CNTN5: variants seen among roughly 807,000 people sequenced by gnomAD.
CNTN5 encodes the protein contactin-5.
A neutral mutation model predicts 129.1 loss-of-function variants in CNTN5; 77 were observed. The ratio of observed to expected loss-of-function variants is 0.60; its 90% CI spans 0.50 to 0.72. CNTN5 has a LOEUF of 0.72. Ranked by LOEUF, CNTN5 falls within the 30% of genes least tolerant of loss-of-function variation. CNTN5 has a pLI of 0.00. For synonymous variants in CNTN5, 509 were observed against 465.6 expected, an observed-to-expected ratio of 1.09 and a Z score of -1.20; for missense variants, 1,478 against 1,328.8, an observed-to-expected ratio of 1.11 and a Z score of -1.75.
At chr11:100,109,529 C>G (rs1490454769) in intron 13 of CNTN5, among the ~76,000 whole-genome samples, 1 of 152,148 alleles carries the variant, frequency 6.6e-6, no homozygotes, top group African/African-American at 2.4e-5. Context: ...CTATCTCTTC[C>G]ACTTATTTTT....
intron 3 of CNTN5, among the ~76,000 whole-genome samples, chr11:99,611,823 T>A (rs1425510734): frequency 6.6e-6 from 1 of 152,184 alleles, no homozygotes; most frequent in East Asian, 1.9e-4. Context: ...TTGGATAGAC[T>A]GGCAGTTTTA....
chr11:99,615,789 T>C (rs1045635542), intron 3 of CNTN5, among the ~76,000 whole-genome samples: 3 of 151,330 alleles, frequency 2.0e-5, no homozygotes, highest in Non-Finnish European at 4.4e-5. Context: ...TGGAGCAGAG[T>C]CTCATTCTAT....
intron 8 of CNTN5, among the ~76,000 whole-genome samples, chr11:99,992,200 C>T (rs1939147428): frequency 6.6e-6 from 1 of 152,168 alleles, no homozygotes; most frequent in Non-Finnish European, 1.5e-5. Context: ...GAGTTCTTAA[C>T]TCCAGCAATG....
intron 9 of CNTN5, among the ~76,000 whole-genome samples, chr11:100,036,914 A>T (rs1005272643): frequency 6.8e-6 from 1 of 148,016 alleles, no homozygotes; most frequent in Non-Finnish European, 1.5e-5. Flanking sequence ...TCGTCTGCAA[A>T]CAGGGACAAT....
At chr11:100,291,200 C>A (rs1200908385) in intron 18 of CNTN5, among the ~76,000 whole-genome samples, 1 of 150,246 alleles carries the variant, frequency 6.7e-6, no homozygotes, top group East Asian at 2.0e-4. Flanking sequence ...GTCAGTGTGG[C>A]GATTCCTCAG....
intron 1 of CNTN5, among the ~76,000 whole-genome samples, chr11:99,233,348 C>G (rs1389761531): frequency 2.0e-5 from 3 of 152,108 alleles, no homozygotes; most frequent in Non-Finnish European, 2.9e-5. Flanking sequence ...TTTGAAACAA[C>G]AACAACAACT....
chr11:99,815,053 C>G (rs1354644753), intron 3 of CNTN5, among the ~76,000 whole-genome samples: 1 of 152,100 alleles, frequency 6.6e-6, no homozygotes, highest in African/African-American at 2.4e-5. Flanking sequence ...GCCCCCCTGA[C>G]TCATTTACCT....
intron 2 of CNTN5, among the ~76,000 whole-genome samples, chr11:99,542,314 G>A (rs574459897): frequency 7.9e-5 from 12 of 151,916 alleles, no homozygotes; most frequent in Non-Finnish European, 1.8e-4. Flanking sequence ...CTCTTCCCAT[G>A]CCTCCTCCCT....
chr11:99,949,346 G>A (rs1950621824), intron 7 of CNTN5, among the ~76,000 whole-genome samples: 1 of 152,148 alleles, frequency 6.6e-6, no homozygotes, highest in Admixed American at 6.6e-5. Context: ...CAGCCTTTCA[G>A]TAGTTCTCCA....
intron 1 of CNTN5, among the ~76,000 whole-genome samples, chr11:99,034,670 A>C (rs1466745818): frequency 6.6e-6 from 1 of 150,680 alleles, no homozygotes; most frequent in Non-Finnish European, 1.5e-5. Context: ...TTTTTTCTTT[A>C]TTAGTCTTGC....
At chr11:99,963,400 A>G (rs188139946) in intron 8 of CNTN5, among the ~76,000 whole-genome samples, 4,546 of 152,226 alleles carry the variant, frequency 0.03, 219 homozygotes, top group East Asian at 0.22. Flanking sequence ...TCCCAGCACC[A>G]TTTATTAAAT....
chr11:99,256,805 G>A (rs912987078), intron 1 of CNTN5, among the ~76,000 whole-genome samples: 6 of 151,652 alleles, frequency 4.0e-5, no homozygotes, highest in South Asian at 2.1e-4. Flanking sequence ...AAATTATTAC[G>A]CAATACCTTC....
In CNTN5 at chr11:100,356,442, A is replaced by C. The variant is rs1199355904; in HGVS notation, c.*222A>C. The C allele has an allele frequency of 3.8e-6, 2 of 531,222 alleles. No individual in the cohort carries two copies. The highest frequency in any genetic ancestry group is 6.7e-6 in the Non-Finnish European group (2 of 298,656). The allele number at this position is 531,222 out of a possible 1,614,324, so 32.9% of individuals were successfully genotyped here. A position where few individuals can be genotyped will look rare whatever the true frequency, so the allele number is the denominator to read the frequency against. On this transcript the variant is annotated 3_prime_UTR_variant, in exon 25 of 25. Coordinates refer to ENST00000524871, the MANE Select transcript of CNTN5 (RefSeq NM_014361.4). ...GAGGACAGTTCTTAGTCCAGTAAAA[A>C]TATGCAGATTGTATGTAATGAATTT... is the stretch of plus-strand genomic sequence containing the variant.
At chr11:99,084,926 A>G (rs1304028614) in intron 1 of CNTN5, among the ~76,000 whole-genome samples, 1 of 152,138 alleles carries the variant, frequency 6.6e-6, no homozygotes, top group Admixed American at 6.5e-5. Context: ...TTATCTGATT[A>G]ATATATTTTT....
chr11:99,129,063 A>G (rs999034549), intron 1 of CNTN5, among the ~76,000 whole-genome samples: 3 of 152,128 alleles, frequency 2.0e-5, no homozygotes, highest in African/African-American at 7.2e-5. Flanking sequence ...TTCTCCAAAC[A>G]CTTCTCCAGC....
chr11:100,034,168 G>A (rs1941864211), intron 9 of CNTN5, among the ~76,000 whole-genome samples: 1 of 152,086 alleles, frequency 6.6e-6, no homozygotes. Context: ...TTTAACTTCT[G>A]TATACCTCAT....
chr11:99,897,711 A>ACAGAC (rs1460292927), intron 6 of CNTN5, among the ~76,000 whole-genome samples: 8 of 152,192 alleles, frequency 5.3e-5, no homozygotes, highest in African/African-American at 1.7e-4. Flanking sequence ...TACAGAACTC[A>ACAGAC]CAGACCCTAT....
intron 24 of CNTN5, among the ~76,000 whole-genome samples, chr11:100,351,541 T>C (rs988014997): frequency 2.8e-4 from 42 of 150,750 alleles, no homozygotes; most frequent in African/African-American, 1.0e-3. Flanking sequence ...CGTATGATTG[T>C]CTCCAAAACC....
At chr11:99,905,484 G>A (rs12288534) in intron 6 of CNTN5, among the ~76,000 whole-genome samples, 8,041 of 152,178 alleles carry the variant, frequency 0.053, 713 homozygotes, top group African/African-American at 0.18. Flanking sequence ...CCTCTGTTGT[G>A]TTCCACTGGT....
Sources: gnomAD v4.1 joint callset for allele counts (sites outside exome capture counted in the v4.1 genomes callset) on GRCh38, gnomAD v4.1.1 for gene constraint, MANE v1.5 for transcripts, NCBI Gene and HGNC (gene_info 2026-07-23, HGNC 2026-07-21) for gene names.